Variants in RBFOX1 observed in about 807,000 individuals in gnomAD.
The protein encoded by RBFOX1 is RNA binding fox-1 homolog 1.
A neutral mutation model predicts 57.7 loss-of-function variants in RBFOX1; 8 were observed. The observed-to-expected ratio is 0.14, with a 90% CI of 0.08 to 0.25. RBFOX1 has a LOEUF of 0.25. RBFOX1 is among the 10% of genes least tolerant of loss of function. The pLI is 1.00. For missense variants in RBFOX1, 611 were observed against 548.5 expected (o/e 1.11, Z -1.14); for synonymous variants, 326 against 222.4 (o/e 1.47, Z -4.15).
chr16:5,344,248 A>G (rs898564905), intron 1 of RBFOX1, among the ~76,000 whole-genome samples: 1 of 152,132 alleles, frequency 6.6e-6, no homozygotes, highest in Admixed American at 6.5e-5. Flanking sequence ...GTTCTCTCCC[A>G]TGTCCTGCAG....
intron 4 of RBFOX1, among the ~76,000 whole-genome samples, chr16:7,394,263 A>AAAG (rs1555833371): frequency 2.9e-5 from 4 of 139,234 alleles, no homozygotes; most frequent in African/African-American, 1.0e-4. Context: ...AAAAAAAAAA[A>AAAG]AGAGAGAAAG....
intron 3 of RBFOX1, among the ~76,000 whole-genome samples, chr16:5,706,318 G>A (rs2051246596): frequency 2.0e-5 from 3 of 152,232 alleles, no homozygotes; most frequent in African/African-American, 7.2e-5. Context: ...GATGTAGCAT[G>A]TCTGGAAGAT....
chr16:6,841,271 C>T (rs1471084429), intron 3 of RBFOX1, among the ~76,000 whole-genome samples: 1 of 152,056 alleles, frequency 6.6e-6, no homozygotes, highest in Non-Finnish European at 1.5e-5. Flanking sequence ...TTTGAGAATT[C>T]CTTGCGAGGT....
chr16:6,948,529 C>T (rs1039901474), intron 3 of RBFOX1, among the ~76,000 whole-genome samples: 1 of 151,316 alleles, frequency 6.6e-6, no homozygotes, highest in Non-Finnish European at 1.5e-5. Context: ...ACTAGAGGCG[C>T]CCACCACCAT....
intron 4 of RBFOX1, among the ~76,000 whole-genome samples, chr16:7,392,176 T>C (rs1403677379): frequency 6.6e-6 from 1 of 152,194 alleles, no homozygotes; most frequent in Non-Finnish European, 1.5e-5. Flanking sequence ...TCTTCAAACA[T>C]TGCATTTTCA....
At chr16:7,553,855 C>T (rs1451267514) in intron 5 of RBFOX1, among the ~76,000 whole-genome samples, 1 of 152,212 alleles carries the variant, frequency 6.6e-6, no homozygotes, top group Non-Finnish European at 1.5e-5. Flanking sequence ...TTAACCTCAG[C>T]TAAGTCTAGG....
intron 2 of RBFOX1, among the ~76,000 whole-genome samples, chr16:6,596,386 C>G (rs1235292421): frequency 3.9e-5 from 6 of 152,180 alleles, no homozygotes; most frequent in Non-Finnish European, 7.3e-5. Context: ...ACTGAATTGA[C>G]TAGGTACTTC....
chr16:5,715,348 C>A (rs188116070), intron 3 of RBFOX1, among the ~76,000 whole-genome samples: 3 of 152,294 alleles, frequency 2.0e-5, no homozygotes, highest in African/African-American at 7.2e-5. Context: ...CCTGCCATAA[C>A]TCACCTCTGT....
chr16:5,502,084 G>C (rs1250761789), intron 2 of RBFOX1, among the ~76,000 whole-genome samples: 1 of 151,920 alleles, frequency 6.6e-6, no homozygotes, highest in Non-Finnish European at 1.5e-5. Flanking sequence ...CAGGTAAGCA[G>C]CTACAATTTA....
chr16:6,588,048 G>A (rs763577786), intron 2 of RBFOX1, among the ~76,000 whole-genome samples: 5 of 151,876 alleles, frequency 3.3e-5, no homozygotes, highest in Non-Finnish European at 7.4e-5. Context: ...TGGCCAACAT[G>A]GTGAAACCGC....
chr16:6,236,642 G>A (rs1256415150), intron 1 of RBFOX1, among the ~76,000 whole-genome samples: 2 of 151,828 alleles, frequency 1.3e-5, no homozygotes, highest in Non-Finnish European at 2.9e-5. Flanking sequence ...GTAGAGGTGG[G>A]GTTTCACCAT....
chr16:6,084,888 C>T (rs1199506399), intron 1 of RBFOX1, among the ~76,000 whole-genome samples: 1 of 152,090 alleles, frequency 6.6e-6, no homozygotes, highest in Non-Finnish European at 1.5e-5. Flanking sequence ...TGGCTAATGG[C>T]CAGATAAGTG....
chr16:6,758,931 T>G (rs1401572505), intron 3 of RBFOX1, among the ~76,000 whole-genome samples: 2 of 151,820 alleles, frequency 1.3e-5, no homozygotes, highest in African/African-American at 4.8e-5. Context: ...GGGAAAGAGT[T>G]TAGAAAGAGG....
At chr16:5,637,400 C>G (rs2048716957) in intron 3 of RBFOX1, among the ~76,000 whole-genome samples, 1 of 152,120 alleles carries the variant, frequency 6.6e-6, no homozygotes, top group South Asian at 2.1e-4. Flanking sequence ...TCAGCTCCTT[C>G]CCACAGGTGA....
intron 4 of RBFOX1, among the ~76,000 whole-genome samples, chr16:7,269,174 G>A (rs79435494): frequency 2.2e-3 from 331 of 151,728 alleles, no homozygotes; most frequent in Non-Finnish European, 3.8e-3. Context: ...AGCAGTTTCC[G>A]GTTATTCCAG....
intron 4 of RBFOX1, among the ~76,000 whole-genome samples, chr16:7,140,625 A>T (rs770419577): frequency 3.3e-5 from 5 of 152,182 alleles, no homozygotes; most frequent in Non-Finnish European, 7.4e-5. Context: ...GCATATTTCT[A>T]GGCAGAGCTC....
intron 2 of RBFOX1, among the ~76,000 whole-genome samples, chr16:5,474,079 TG>T (rs1246653678): frequency 6.6e-6 from 1 of 152,116 alleles, no homozygotes; most frequent in Non-Finnish European, 1.5e-5. Context: ...GACAGACAAG[TG>T]GGCAAGTCTG....
At chr16:5,697,535 C>CTTTTTT (rs35569754) in intron 3 of RBFOX1, among the ~76,000 whole-genome samples, 1 of 138,816 alleles carries the variant, frequency 7.2e-6, no homozygotes. Context: ...CTTTTCTATT[C>CTTTTTT]TTTTTTTTTT....
At chr16:5,399,858 T>C (rs974263599) in intron 1 of RBFOX1, among the ~76,000 whole-genome samples, 1 of 152,148 alleles carries the variant, frequency 6.6e-6, no homozygotes, top group Non-Finnish European at 1.5e-5. Flanking sequence ...GTTTTGAAGA[T>C]CAAAAGCAGT....
Sources: gnomAD v4.1 joint callset for allele counts (sites outside exome capture counted in the v4.1 genomes callset) on GRCh38, gnomAD v4.1.1 for gene constraint, MANE v1.5 for transcripts, NCBI Gene and HGNC (gene_info 2026-07-23, HGNC 2026-07-21) for gene names.